Variants in PPP2R2B observed in about 807,000 individuals in gnomAD.
The protein encoded by PPP2R2B is serine/threonine-protein phosphatase 2A 55 kDa regulatory subunit B beta isoform.
PPP2R2B carries 5 observed loss-of-function variants against 46.0 expected under a neutral mutation model. That is an observed-to-expected ratio of 0.11 (90% CI 0.06 to 0.23). The LOEUF (loss-of-function observed/expected upper bound fraction) is 0.23. Ranked by LOEUF, PPP2R2B falls within the 10% of genes least tolerant of loss-of-function variation. The pLI is 1.00. For synonymous variants in PPP2R2B, 215 were observed against 206.7 expected (o/e 1.04, Z -0.34); for missense variants, 367 against 575.0 (o/e 0.64, Z 3.70).
intron 1 of PPP2R2B, among the ~76,000 whole-genome samples, chr5:146,951,931 G>A (rs970986961): frequency 4.0e-5 from 6 of 150,652 alleles, no homozygotes; most frequent in African/African-American, 1.5e-4. Flanking sequence ...TTGGAGAATC[G>A]CCACAGTGTC....
intron 1 of PPP2R2B, among the ~76,000 whole-genome samples, chr5:147,025,383 GAGA>G (rs1234594380): frequency 1.3e-5 from 2 of 151,658 alleles, no homozygotes; most frequent in African/African-American, 4.8e-5. Context: ...TCAAAAAATG[GAGA>G]AGAAAGAAAC....
chr5:146,645,040 T>C (rs1373894495), intron 6 of PPP2R2B, among the ~76,000 whole-genome samples: 1 of 152,230 alleles, frequency 6.6e-6, no homozygotes, highest in African/African-American at 2.4e-5. Context: ...GAGTGGAATC[T>C]ATGTTTACCA....
At chr5:146,996,956 A>G (rs1261872928) in intron 1 of PPP2R2B, among the ~76,000 whole-genome samples, 1 of 152,098 alleles carries the variant, frequency 6.6e-6, no homozygotes, top group African/African-American at 2.4e-5. Flanking sequence ...CACTGTCTTT[A>G]GGCAGACTGG....
chr5:146,646,857 G>A (rs1182332463), intron 6 of PPP2R2B, among the ~76,000 whole-genome samples: 1 of 152,146 alleles, frequency 6.6e-6, no homozygotes, highest in Non-Finnish European at 1.5e-5. Flanking sequence ...GTGCGTATGT[G>A]TGTGTGTGTG....
upstream of PPP2R2B, among the ~76,000 whole-genome samples, chr5:147,057,048 C>A (rs774795493): frequency 2.2e-4 from 34 of 152,076 alleles, no homozygotes; most frequent in African/African-American, 8.2e-4. Context: ...AATTTTTAAG[C>A]CTTTATGGGC....
rs902187991 is a variant in PPP2R2B, at chr5:146,813,922, A to G, written c.70+64080T>C. Among the ~76,000 whole-genome samples, 4 of 152,178 alleles carry G rather than the reference A, an allele frequency of 2.6e-5. No individual in the cohort carries two copies. The South Asian group carries it at 8.3e-4, about 31-fold the overall frequency. ...TGGCAACAGTTTAGACCAGGACAGG[A>G]AGTGGCAAGAACAGAGAAGAGACAA... On this transcript the variant is annotated intron_variant, in intron 2 of 9. Coordinates refer to ENST00000394411, the MANE Select transcript of PPP2R2B (RefSeq NM_181675.4).
At position 146,967,522 on chromosome 5, in the gene PPP2R2B, C is replaced by G. The variant is rs190609219; in HGVS notation, c.79+88143G>C. ...TGGTTACCTGGATTCTAAACCAGAG[C>G]GCTGGTTTGAACCTAGGCAGGCAGT... On this transcript the variant is annotated intron_variant, in intron 1 of 8. Transcript: ENST00000336640. 1.8e-3 allele frequency among the ~76,000 whole-genome samples: 276 copies of G among 152,254 alleles called. 1 individual carries two copies. Among genetic ancestry groups the G allele is most frequent in the Non-Finnish European group, 1.0e-3 (69 of 68,030 alleles).
chr5:146,933,917 T>C lies in PPP2R2B; in HGVS notation c.79+121748A>G, dbSNP rs533672367. On this transcript the variant is annotated intron_variant, in intron 1 of 8. Coordinates refer to the PPP2R2B transcript ENST00000336640. ...TCATTGTTCAATTCCCACCTATGAG[T>C]GAGAACATGCGGTGTTTGGTTTTTT... Among the ~76,000 whole-genome samples, 23 of 149,232 alleles carry C rather than the reference T, an allele frequency of 1.5e-4. No individual in the cohort carries two copies. The East Asian group carries it at 4.0e-3, about 26-fold the overall frequency.
chr5:147,075,729 C>T (rs1328347938), intron 2 of PPP2R2B, among the ~76,000 whole-genome samples: 1 of 152,120 alleles, frequency 6.6e-6, no homozygotes, highest in Non-Finnish European at 1.5e-5. Context: ...CCTTAGTTTA[C>T]TTCTCCCCTA....
At chr5:146,603,803 A>G (rs1772006904) in intron 7 of PPP2R2B, among the ~76,000 whole-genome samples, 1 of 152,192 alleles carries the variant, frequency 6.6e-6, no homozygotes, top group African/African-American at 2.4e-5. Context: ...CATTTTATAT[A>G]TGTGGATAAC....
At chr5:146,734,924 G>A (rs76040695) in intron 2 of PPP2R2B, among the ~76,000 whole-genome samples, 1,553 of 152,192 alleles carry the variant, frequency 0.01, 23 homozygotes, top group African/African-American at 0.035. Flanking sequence ...TTTATTACCC[G>A]CCCCTTTCTC....
intron 1 of PPP2R2B, among the ~76,000 whole-genome samples, chr5:147,032,747 C>T (rs1755850682): frequency 6.6e-6 from 1 of 152,144 alleles, no homozygotes; most frequent in East Asian, 1.9e-4. Context: ...GTTTCTTTAT[C>T]CACTTGTTTA....
intron 1 of PPP2R2B, among the ~76,000 whole-genome samples, chr5:147,004,140 CAG>C (rs1389690268): frequency 6.6e-6 from 1 of 152,154 alleles, no homozygotes; most frequent in African/African-American, 2.4e-5. Flanking sequence ...GGACAGAAAA[CAG>C]AGCAGGCCAA....
chr5:146,813,181 C>T (rs1331286969), intron 2 of PPP2R2B, among the ~76,000 whole-genome samples: 1 of 151,508 alleles, frequency 6.6e-6, no homozygotes, highest in East Asian at 1.9e-4. Context: ...GAGTATGAAG[C>T]AGTGCCTAGT....
chr5:146,707,259 C>T (rs1779920830), intron 2 of PPP2R2B: 1 of 1,587,516 alleles, frequency 6.3e-7, no homozygotes, highest in Non-Finnish European at 8.6e-7. Flanking sequence ...TGGTCTCCAG[C>T]ATCTTGTTCT....
chr5:146,857,218 C>G (rs1004839859), intron 2 of PPP2R2B, among the ~76,000 whole-genome samples: 7 of 152,128 alleles, frequency 4.6e-5, no homozygotes, highest in African/African-American at 1.4e-4. Context: ...TAAGTCACCT[C>G]ACTCGTTAGA....
chr5:146,978,526 C>T (rs1753021154), intron 1 of PPP2R2B, among the ~76,000 whole-genome samples: 1 of 152,154 alleles, frequency 6.6e-6, no homozygotes, highest in Non-Finnish European at 1.5e-5. Flanking sequence ...GTCTTTAATA[C>T]ATCCTGAGTT....
intron 2 of PPP2R2B, among the ~76,000 whole-genome samples, chr5:146,703,086 G>C (rs1407583329): frequency 6.6e-6 from 1 of 152,162 alleles, no homozygotes; most frequent in Non-Finnish European, 1.5e-5. Flanking sequence ...CTTAACATTT[G>C]CAGTTGCTTC....
intron 3 of PPP2R2B, among the ~76,000 whole-genome samples, chr5:146,699,628 G>A (rs1021614649): frequency 3.4e-5 from 5 of 148,770 alleles, no homozygotes; most frequent in East Asian, 2.0e-4. Flanking sequence ...TAGCTCCTCC[G>A]GTTCCTCTTT....
Sources: allele counts gnomAD v4.1 joint callset (sites outside exome capture counted in the v4.1 genomes callset), GRCh38; gene constraint gnomAD v4.1.1; transcripts MANE v1.5; gene names NCBI Gene and HGNC (gene_info 2026-07-23, HGNC 2026-07-21).